Variants in RBM39 observed in about 807,000 individuals in gnomAD.
RBM39 encodes the protein RNA-binding protein 39.
RBM39 carries 12 observed loss-of-function variants against 79.6 expected under a neutral mutation model. The ratio of observed to expected loss-of-function variants is 0.15; its 90% CI spans 0.10 to 0.24. The LOEUF (loss-of-function observed/expected upper bound fraction) is 0.24, where lower values mean the gene tolerates loss of function less well. RBM39 is among the 10% of genes least tolerant of loss of function. RBM39 has a pLI of 1.00. For missense variants in RBM39, 243 were observed against 653.4 expected, an observed-to-expected ratio of 0.37 and a Z score of 6.85; for synonymous variants, 185 against 208.4, an observed-to-expected ratio of 0.89 and a Z score of 0.97.
chr20:35,709,028 T>G, intron 13 of RBM39, 196 bp downstream of exon 13: 1 of 458,750 alleles, frequency 2.2e-6, no homozygotes, highest in Non-Finnish European at 3.8e-6. Context: ...ATTTTGATTT[T>G]TTTTAAGTCC....
intron 4 of RBM39, 66 bp from the exon 5 acceptor site, chr20:35,729,593 G>A (rs2039145064): frequency 9.3e-6 from 13 of 1,400,950 alleles, no homozygotes; most frequent in South Asian, 1.2e-5. Context: ...GCATTCATGC[G>A]CTCTCCAGCA....
intron 12 of RBM39, 69 bp from the exon 13 acceptor site, chr20:35,709,343 AAG>A: frequency 7.5e-7 from 1 of 1,329,340 alleles, no homozygotes; most frequent in Non-Finnish European, 1.0e-6. Flanking sequence ...GCATTAATAA[AAG>A]AGGACTACAA....
intron 11 of RBM39, 62 bp from the exon 12 acceptor site, chr20:35,713,158 G>T (rs2036648242): frequency 7.2e-7 from 1 of 1,387,772 alleles, no homozygotes; most frequent in Non-Finnish European, 1.0e-6. Flanking sequence ...AGTTTCCTGG[G>T]TCATTAATAT....
chr20:35,720,948 T>C (rs949746427), intron 9 of RBM39, among the ~76,000 whole-genome samples: 1 of 151,340 alleles, frequency 6.6e-6, no homozygotes, highest in African/African-American at 2.4e-5. Context: ...GACAGAGTAA[T>C]GTCTTTTTAA....
chr20:35,737,485 A>C (rs899561239), intron 3 of RBM39, among the ~76,000 whole-genome samples: 1 of 151,040 alleles, frequency 6.6e-6, no homozygotes, highest in African/African-American at 2.4e-5. Flanking sequence ...GCCTGAACCC[A>C]GGAGGCAGAG....
In RBM39 at chr20:35,703,455, G is replaced by A. The variant is rs1474441068; in HGVS notation, c.*1026C>T. 6.6e-6 allele frequency: 1 copy of A among 152,118 alleles called. No homozygotes were observed. The highest frequency in any genetic ancestry group is 1.5e-5 in the Non-Finnish European group (1 of 68,018). The allele number at this position is 152,118 out of a possible 1,614,324, so 9.4% of individuals were successfully genotyped here. A position where few individuals can be genotyped will look rare whatever the true frequency, so the allele number is the denominator to read the frequency against. ...AAATACACAGGGCTAGACTCTAATA[G>A]AATAAAGGAATTCATGGGGGACAAC... On this transcript the variant is annotated 3_prime_UTR_variant, in exon 17 of 17. Transcript: ENST00000253363.
At chr20:35,731,834 A>G (rs2039400767) in intron 4 of RBM39, 107 bp downstream of exon 4, 3 of 1,030,068 alleles carry the variant, frequency 2.9e-6, no homozygotes, top group Non-Finnish European at 4.4e-6. Flanking sequence ...CTTTTTAACC[A>G]ATCATTAAAA....
At chr20:35,726,138 CTTT>C (rs756585824) in intron 6 of RBM39, among the ~76,000 whole-genome samples, 1 of 151,964 alleles carries the variant, frequency 6.6e-6, no homozygotes. Context: ...TTTTTCTTTT[CTTT>C]TTTTGTTTTT....
rs2036787052 is a variant in RBM39 at position 35,713,903 on chromosome 20, T to A, written c.1096+282A>T. ...TTACAAAAAGAAAAACTTGTAACAT[T>A]ATAATAGCTGCAACTAAATTTATTC... On this transcript the variant is annotated intron_variant, in intron 11 of 16. Transcript: ENST00000253363. 3.4e-5 allele frequency: 10 copies of A among 297,432 alleles called. No individual in the cohort carries two copies. In the South Asian group the frequency reaches 4.9e-4, roughly 15 times the overall value. 18.4% of individuals were successfully genotyped at this position (297,432 alleles called of 1,614,324 possible).
Position 35,704,243 on chromosome 20 carries a change from A to C in RBM39, c.*238T>G. 3.0e-6 allele frequency: 1 copy of C among 330,528 alleles called. No homozygotes were observed. The highest frequency in any genetic ancestry group is 5.6e-6 in the Non-Finnish European group (1 of 178,226). The allele number at this position is 330,528 out of a possible 1,614,324, so 20.5% of individuals were successfully genotyped here. On this transcript the variant is annotated 3_prime_UTR_variant, in exon 17 of 17. Coordinates refer to ENST00000253363, the MANE Select transcript of RBM39 (RefSeq NM_184234.3). ...TATTCCTATAGTTCATTAATTTTCTACATGAACATTTTAAAAGGCAGAACA... is the reference window on the plus strand; with the variant it reads ...TATTCCTATAGTTCATTAATTTTCTCCATGAACATTTTAAAAGGCAGAACA...
intron 3 of RBM39, chr20:35,736,509 C>T (rs532691182): frequency 8.1e-5 from 36 of 443,260 alleles, no homozygotes; most frequent in Non-Finnish European, 1.7e-4. Flanking sequence ...TTTTATCAAC[C>T]TACCTAACAC....
At position 35,729,512 on chromosome 20, in the gene RBM39, A is replaced by C. The variant is rs2039135396; in HGVS notation, c.312T>G (p.Phe104Leu). The change falls in exon 5 of 17, where the codon TTT (phenylalanine) becomes TTG (leucine). Residue 104 changes from phenylalanine to leucine, a missense_variant. Phe to Leu is a conservative substitution (Grantham distance 22). Coordinates refer to ENST00000253363, the MANE Select transcript of RBM39 (RefSeq NM_184234.3). ...RYRSPYSGPK[F>L]NSAIRGKIGL... ...CAATCTTTCCTCGGATGGCACTGTTAAATTTTGGTCCGGAGCTAAAAAGGA... is the reference window on the plus strand; with the variant it reads ...CAATCTTTCCTCGGATGGCACTGTTCAATTTTGGTCCGGAGCTAAAAAGGA... 1 of 1,614,076 alleles carries C rather than the reference A, an allele frequency of 6.2e-7. No homozygotes were observed. Among genetic ancestry groups the C allele is most frequent in the Non-Finnish European group, 8.5e-7 (1 of 1,179,998 alleles).
intron 3 of RBM39, chr20:35,734,096 A>G (rs940617476): frequency 1.7e-5 from 9 of 520,140 alleles, no homozygotes; most frequent in Non-Finnish European, 2.7e-5. Flanking sequence ...GCAAAGTTAC[A>G]TATCACAAGA....
chr20:35,724,479 C>A (rs1477301634), intron 8 of RBM39, 91 bp downstream of exon 8: 1 of 1,188,714 alleles, frequency 8.4e-7, no homozygotes. Flanking sequence ...ACGTAATGAG[C>A]AGCAGTCACA....
At chr20:35,733,303 CA>C (rs60205656) in intron 3 of RBM39, among the ~76,000 whole-genome samples, 27,745 of 135,782 alleles carry the variant, frequency 0.2, 3,287 homozygotes, top group South Asian at 0.33. Context: ...AACACCATCT[CA>C]AAAAAAAAAA....
Position 35,732,155 on chromosome 20 carries a change from C to T in RBM39, c.102-20G>A, listed in dbSNP as rs2039434694. On this transcript the variant is annotated intron_variant, in intron 3 of 16. Transcript: ENST00000253363. ...TTCCTCCTGAGAAGAAAAAAACTCGCCATTATCATGCTGGCTTAAGAACCC... is the reference window on the plus strand; with the variant it reads ...TTCCTCCTGAGAAGAAAAAAACTCGTCATTATCATGCTGGCTTAAGAACCC... The T allele has an allele frequency of 6.2e-7, 1 of 1,612,212 alleles. No homozygotes were observed.
chr20:35,720,320 T>G (rs969502803), intron 9 of RBM39, among the ~76,000 whole-genome samples: 1 of 152,126 alleles, frequency 6.6e-6, no homozygotes, highest in African/African-American at 2.4e-5. Flanking sequence ...AAGACCACAA[T>G]GCCAGACACA....
At chr20:35,709,764 C>T (rs2146503485) in intron 12 of RBM39, among the ~76,000 whole-genome samples, 1 of 152,246 alleles carries the variant, frequency 6.6e-6, no homozygotes, top group East Asian at 1.9e-4. Context: ...AGAACATCAC[C>T]ATTGGGAAAT....
intron 3 of RBM39, chr20:35,735,143 C>T (rs948611214): frequency 2.1e-6 from 3 of 1,420,874 alleles, no homozygotes; most frequent in African/African-American, 2.9e-5. Context: ...TAATCCACAC[C>T]ACAGTAGCCA....
Sources: gnomAD v4.1 joint callset for allele counts (sites outside exome capture counted in the v4.1 genomes callset) on GRCh38, gnomAD v4.1.1 for gene constraint, MANE v1.5 for transcripts, NCBI Gene and HGNC (gene_info 2026-07-23, HGNC 2026-07-21) for gene names.